The following SLC13A1 variants were observed in gnomAD, a reference collection of about 807,000 sequenced individuals.
SLC13A1 encodes Na(+)/sulfate cotransporter.
Under a neutral mutation model 70.0 loss-of-function variants are expected in SLC13A1, and 65 were observed. The ratio of observed to expected loss-of-function variants is 0.93; its 90% confidence interval spans 0.76 to 1.14. SLC13A1 has a LOEUF of 1.14. SLC13A1 is among the 50% of genes most tolerant of loss of function. SLC13A1 has a pLI of 0.00. For missense variants in SLC13A1, 726 were observed against 717.8 expected (o/e 1.01, Z -0.13); for synonymous variants, 275 against 250.5 (o/e 1.10, Z -0.92).
intron 1 of SLC13A1, among the ~76,000 whole-genome samples, chr7:123,193,694 A>G (rs1796074881): frequency 6.6e-6 from 1 of 152,154 alleles, no homozygotes; most frequent in African/African-American, 2.4e-5. Context: ...TGTGACTTTG[A>G]TCACATTTCT....
chr7:123,119,922 T>C (rs1751976251), intron 12 of SLC13A1, among the ~76,000 whole-genome samples: 1 of 152,022 alleles, frequency 6.6e-6, no homozygotes, highest in Admixed American at 6.6e-5. Context: ...GTGCGTTTAC[T>C]CTCCCTTCCC....
chr7:123,147,151 T>A lies in SLC13A1; in HGVS notation c.812+8A>T. 6.2e-7 allele frequency: 1 copy of A among 1,612,288 alleles called. No homozygotes were observed. The highest frequency in any genetic ancestry group is 8.5e-7 in the Non-Finnish European group (1 of 1,179,292). The stretch of plus-strand genomic sequence containing the variant: ...ATGTTAAATCACCAATCCAATAAGG[T>A]TACTTACGTATTGAAATACTCTGCA... On this transcript the variant is annotated splice_region_variant and intron_variant, in intron 7 of 14. Coordinates refer to ENST00000194130, the MANE Select transcript of SLC13A1 (RefSeq NM_022444.4).
At chr7:123,180,081 T>A (rs1049762382) in intron 2 of SLC13A1, among the ~76,000 whole-genome samples, 3 of 151,798 alleles carry the variant, frequency 2.0e-5, no homozygotes, top group African/African-American at 7.3e-5. Flanking sequence ...AAGAAAAGAC[T>A]CGAAGTTAGG....
intron 10 of SLC13A1, among the ~76,000 whole-genome samples, chr7:123,128,153 T>G (rs1013116960): frequency 6.6e-6 from 1 of 152,034 alleles, no homozygotes; most frequent in Non-Finnish European, 1.5e-5. Context: ...CAGAAATTCC[T>G]TATCTATGAA....
intron 6 of SLC13A1, among the ~76,000 whole-genome samples, chr7:123,148,136 T>C (rs187052170): frequency 3.0e-4 from 46 of 152,068 alleles, no homozygotes; most frequent in African/African-American, 1.0e-3. Context: ...AATAAATCCA[T>C]TTTTTTTAAG....
intron 1 of SLC13A1, among the ~76,000 whole-genome samples, chr7:123,198,353 A>T (rs1189083013): frequency 6.6e-6 from 1 of 152,012 alleles, no homozygotes; most frequent in East Asian, 1.9e-4. Context: ...TTGAAAAACA[A>T]AACCAACAAA....
At chr7:123,126,542 C>A (rs1222499150) in intron 10 of SLC13A1, among the ~76,000 whole-genome samples, 1 of 152,066 alleles carries the variant, frequency 6.6e-6, no homozygotes, top group African/African-American at 2.4e-5. Flanking sequence ...GCTAAAGATT[C>A]TTTTACTATC....
At chr7:123,171,723 G>T (rs777420931) in intron 3 of SLC13A1, 45 bp downstream of exon 3, 2 of 1,593,162 alleles carry the variant, frequency 1.3e-6, no homozygotes, top group South Asian at 1.1e-5. Context: ...GCACAAAAAT[G>T]GTCTGTTCAG....
At chr7:123,117,044 C>G (rs1793203432) in intron 14 of SLC13A1, among the ~76,000 whole-genome samples, 1 of 152,166 alleles carries the variant, frequency 6.6e-6, no homozygotes, top group Non-Finnish European at 1.5e-5. Flanking sequence ...GGCACTGACT[C>G]AGTGTCTCAT....
chr7:123,118,363 C>G (rs1793252231), intron 13 of SLC13A1, among the ~76,000 whole-genome samples: 1 of 152,114 alleles, frequency 6.6e-6, no homozygotes, highest in East Asian at 1.9e-4. Context: ...TTTCTACTTT[C>G]AATCAGCAGC....
intron 6 of SLC13A1, among the ~76,000 whole-genome samples, chr7:123,161,732 A>G (rs1387083117): frequency 2.0e-5 from 3 of 152,138 alleles, no homozygotes; most frequent in African/African-American, 7.2e-5. Context: ...GTGGCGACCA[A>G]TCCATACCTT....
chr7:123,129,579 A>G (rs902742177), intron 8 of SLC13A1, 98 bp from the exon 9 acceptor site: 150 of 822,532 alleles, frequency 1.8e-4, no homozygotes, highest in Non-Finnish European at 3.0e-4. Context: ...TTCACGCAAT[A>G]TGAATCTCCC....
At chr7:123,186,901 T>TA (rs1389686375) in intron 1 of SLC13A1, among the ~76,000 whole-genome samples, 1 of 152,022 alleles carries the variant, frequency 6.6e-6, no homozygotes, top group Non-Finnish European at 1.5e-5. Context: ...GATTTACAGT[T>TA]ATGACTACCA....
At chr7:123,194,689 G>T (rs1039673427) in intron 1 of SLC13A1, among the ~76,000 whole-genome samples, 1 of 151,870 alleles carries the variant, frequency 6.6e-6, no homozygotes, top group Non-Finnish European at 1.5e-5. Context: ...AGGTTGAGAG[G>T]GGAGATTTAG....
intron 1 of SLC13A1, among the ~76,000 whole-genome samples, chr7:123,197,900 T>G (rs1256981003): frequency 6.6e-6 from 1 of 152,184 alleles, no homozygotes; most frequent in Non-Finnish European, 1.5e-5. Context: ...TTATATTCAT[T>G]TCTCAGAAAA....
At chr7:123,168,188 A>G (rs1419928804) in intron 6 of SLC13A1, among the ~76,000 whole-genome samples, 186 bp downstream of exon 6, 2 of 152,204 alleles carry the variant, frequency 1.3e-5, no homozygotes, top group African/African-American at 4.8e-5. Flanking sequence ...AATGGTTCCT[A>G]TCCAGATGTT....
intron 1 of SLC13A1, among the ~76,000 whole-genome samples, chr7:123,188,845 G>A (rs866287466): frequency 6.6e-6 from 1 of 151,978 alleles, no homozygotes; most frequent in African/African-American, 2.4e-5. Context: ...GCCGGGTGCG[G>A]TGGCTCACGC....
intron 10 of SLC13A1, among the ~76,000 whole-genome samples, chr7:123,127,040 A>G (rs1793585341): frequency 6.6e-6 from 1 of 152,156 alleles, no homozygotes; most frequent in African/African-American, 2.4e-5. Context: ...AAATACTGAA[A>G]TAATTTCTTT....
chr7:123,134,777 C>T (rs1345571495), intron 7 of SLC13A1, among the ~76,000 whole-genome samples: 1 of 152,140 alleles, frequency 6.6e-6, no homozygotes, highest in Non-Finnish European at 1.5e-5. Flanking sequence ...CTCTATATTT[C>T]ATCTTTAAGG....
Sources: allele counts gnomAD v4.1 joint callset (sites outside exome capture counted in the v4.1 genomes callset), GRCh38; gene constraint gnomAD v4.1.1; transcripts MANE v1.5; gene names NCBI Gene and HGNC (gene_info 2026-07-23, HGNC 2026-07-21).